The following COL4A3 variants were observed in gnomAD, a reference collection of about 807,000 sequenced individuals.
COL4A3 encodes the protein collagen type IV alpha 3 chain, also known as collagen alpha-3(IV) chain.
Under a neutral mutation model 217.4 loss-of-function variants are expected in COL4A3, and 135 were observed. The observed-to-expected ratio is 0.62, with a 90% CI of 0.54 to 0.72. The LOEUF (loss-of-function observed/expected upper bound fraction) is 0.72, where lower values mean the gene tolerates loss of function less well. COL4A3 is among the 30% of genes least tolerant of loss of function. The probability of loss-of-function intolerance (pLI) is 0.00; values close to 1 mark genes in which losing one functional copy is unlikely to be tolerated. For synonymous variants in COL4A3, 690 were observed against 736.3 expected, an observed-to-expected ratio of 0.94 and a Z score of 1.02; for missense variants, 1,868 against 2,119.9, an observed-to-expected ratio of 0.88 and a Z score of 2.33.
chr2:227,195,907 TAAC>T (rs951147638), intron 1 of COL4A3, among the ~76,000 whole-genome samples: 1 of 84,024 alleles, frequency 1.2e-5, no homozygotes, highest in African/African-American at 4.6e-5. Flanking sequence ...TCTGTATTCT[TAAC>T]AAAAAAAGCT....
intron 4 of COL4A3, 50 bp downstream of exon 4, chr2:227,244,414 C>T (rs995330649): frequency 6.5e-7 from 1 of 1,535,394 alleles, no homozygotes; most frequent in Non-Finnish European, 9.0e-7. Context: ...CAGCTTTTCA[C>T]AGTAAGAGTT....
chr2:227,249,165 CA>C (rs1464431324), intron 9 of COL4A3, among the ~76,000 whole-genome samples: 2 of 132,514 alleles, frequency 1.5e-5, no homozygotes, highest in Non-Finnish European at 3.2e-5. Context: ...ACCTAAACCA[CA>C]AGTGCTAACT....
chr2:227,195,335 C>T (rs2066424849), intron 1 of COL4A3, among the ~76,000 whole-genome samples: 1 of 151,904 alleles, frequency 6.6e-6, no homozygotes, highest in South Asian at 2.1e-4. Context: ...AAAATAAAAA[C>T]TCAGTATAAT....
chr2:227,209,468 A>T (rs9679095), intron 1 of COL4A3, among the ~76,000 whole-genome samples: 11,610 of 152,252 alleles, frequency 0.076, 655 homozygotes, highest in African/African-American at 0.15. Flanking sequence ...TTAACGCAGT[A>T]CTAGCCCCAT....
chr2:227,175,925 A>G (rs1003634946), intron 1 of COL4A3, among the ~76,000 whole-genome samples: 9 of 152,206 alleles, frequency 5.9e-5, no homozygotes, highest in Non-Finnish European at 1.0e-4. Context: ...TCCTGTTGAC[A>G]TATCTCTGCC....
At chr2:227,202,763 A>ATATATATATTATATATATATATATG (rs1559819259) in intron 1 of COL4A3, among the ~76,000 whole-genome samples, 8 of 109,618 alleles carry the variant, frequency 7.3e-5, no homozygotes, top group Admixed American at 2.1e-4. Context: ...ATATATATAT[A>ATATATATATTATATATATATATATG]TATATATATC....
At chr2:227,266,599 CA>C in intron 22 of COL4A3, 90 bp downstream of exon 22, 2 of 936,080 alleles carry the variant, frequency 2.1e-6, no homozygotes, top group South Asian at 1.4e-5. Flanking sequence ...ACAATGATCC[CA>C]AATAGCTACC....
At chr2:227,236,934 GA>G (rs1269408946) in intron 1 of COL4A3, among the ~76,000 whole-genome samples, 3 of 152,232 alleles carry the variant, frequency 2.0e-5, no homozygotes, top group African/African-American at 7.2e-5. Context: ...GTGCTGGGAT[GA>G]CAGGCATGAG....
At chr2:227,188,525 A>C (rs1238009552) in intron 1 of COL4A3, among the ~76,000 whole-genome samples, 1 of 151,818 alleles carries the variant, frequency 6.6e-6, no homozygotes, top group Non-Finnish European at 1.5e-5. Context: ...CACGTAACAG[A>C]GTTACAGCAG....
Position 227,245,989 on chromosome 2 carries a change from C to T in COL4A3, c.360C>T (p.Val120=), listed in dbSNP as rs756033791. ...GCAATACCGGGCCTTACGGACTTGT[C>T]GGTGTACCAGGATGCAGTGGTTCTA... ...TPGNTGPYGL[V]GVPGCSGSKG... Residue 120 remains valine, a synonymous_variant, in exon 6 of 52, where the codon GTC becomes GTT. Transcript: ENST00000396578. The T allele has an allele frequency of 1.5e-5, 24 of 1,613,718 alleles. No homozygotes were observed. Among genetic ancestry groups the T allele is most frequent in the South Asian group, 1.1e-4 (10 of 91,058 alleles).
chr2:227,282,213 A>C lies in COL4A3; in HGVS notation c.2489-152A>C, dbSNP rs1173070136. 3.6e-6 allele frequency: 1 copy of C among 281,384 alleles called. No individual in the cohort carries two copies. Among genetic ancestry groups the C allele is most frequent in the Admixed American group, 5.3e-5 (1 of 18,730 alleles). 17.4% of individuals were successfully genotyped at this position (281,384 alleles called of 1,614,324 possible). The stretch of plus-strand genomic sequence containing the variant: ...CTTGAACCAGGGAGGCGGAGGGTAC[A>C]GTGAGCCGAAATCGCCCCACTGCAA... On this transcript the variant is annotated intron_variant, in intron 31 of 51. Transcript: ENST00000396578. The surrounding 1 kb of genome is among the most constrained non-coding windows in gnomAD (Gnocchi z 4.4).
At chr2:227,193,477 G>T (rs914313450) in intron 1 of COL4A3, among the ~76,000 whole-genome samples, 1 of 152,166 alleles carries the variant, frequency 6.6e-6, no homozygotes, top group Non-Finnish European at 1.5e-5. Context: ...ACTTGGGGAG[G>T]CCGAGGTGGG....
intron 1 of COL4A3, among the ~76,000 whole-genome samples, chr2:227,221,693 C>CAT (rs71036172): frequency 0.45 from 68,455 of 151,760 alleles, 16,712 homozygotes; most frequent in Non-Finnish European, 0.56. Context: ...AATTAGTTAA[C>CAT]GTGTGTATTA....
At chr2:227,285,277 TAAAAAA>T (rs764697409) in intron 34 of COL4A3, among the ~76,000 whole-genome samples, 41 of 72,376 alleles carry the variant, frequency 5.7e-4, no homozygotes, top group African/African-American at 2.1e-3. Context: ...CTGCCAAACC[TAAAAAA>T]AAAAAAAAAA....
intron 47 of COL4A3, among the ~76,000 whole-genome samples, chr2:227,307,151 CT>C (rs2073540858): frequency 6.6e-6 from 1 of 151,814 alleles, no homozygotes; most frequent in Non-Finnish European, 1.5e-5. Flanking sequence ...TAAACTAACC[CT>C]TATTACAGTG....
intron 3 of COL4A3, among the ~76,000 whole-genome samples, chr2:227,243,765 C>T (rs974364826): frequency 1.3e-5 from 2 of 152,140 alleles, no homozygotes; most frequent in African/African-American, 2.4e-5. Context: ...CATTACATGC[C>T]CAAAGCAAGT....
chr2:227,248,088 T>C (rs893555844), intron 8 of COL4A3, among the ~76,000 whole-genome samples: 1 of 152,114 alleles, frequency 6.6e-6, no homozygotes, highest in African/African-American at 2.4e-5. Flanking sequence ...TACAAGTGCA[T>C]GCCACCACGC....
intron 1 of COL4A3, among the ~76,000 whole-genome samples, chr2:227,225,558 G>A (rs2068040642): frequency 6.6e-6 from 1 of 152,140 alleles, no homozygotes; most frequent in East Asian, 1.9e-4. Flanking sequence ...GAGTGGAGGT[G>A]GGTGTGGCTA....
intron 1 of COL4A3, among the ~76,000 whole-genome samples, chr2:227,222,160 A>AATAATAATAATAATAATAATG (rs1371794032): frequency 1.2e-5 from 1 of 85,042 alleles, no homozygotes; most frequent in East Asian, 3.6e-4. Flanking sequence ...TAATAATAAT[A>AATAATAATAATAATAATAATG]ATAATGATAA....
Sources: gnomAD v4.1 joint callset for allele counts (sites outside exome capture counted in the v4.1 genomes callset) on GRCh38, gnomAD v4.1.1 for gene constraint, Gnocchi (gnomAD v3.1) non-coding constraint, MANE v1.5 for transcripts, NCBI Gene and HGNC (gene_info 2026-07-23, HGNC 2026-07-21) for gene names.